Variants in SLC4A4 observed in about 807,000 individuals in gnomAD.
The protein encoded by SLC4A4 is electrogenic sodium bicarbonate cotransporter 1.
In SLC4A4, 27 loss-of-function variants were observed where a neutral mutation model predicts 111.5. The ratio of observed to expected loss-of-function variants is 0.24; its 90% CI spans 0.18 to 0.33. The LOEUF (loss-of-function observed/expected upper bound fraction) is 0.33. SLC4A4 is among the 10% of genes least tolerant of loss of function. SLC4A4 has a pLI of 1.00. For missense variants in SLC4A4, 909 were observed against 1,315.5 expected (o/e 0.69, Z 4.78); for synonymous variants, 443 against 463.4 (o/e 0.96, Z 0.57).
At chr4:71,334,113 G>C (rs1728235619) in intron 3 of SLC4A4, among the ~76,000 whole-genome samples, 1 of 152,058 alleles carries the variant, frequency 6.6e-6, no homozygotes. Context: ...AGCTGGGAAT[G>C]CACTGGGTCA....
intron 7 of SLC4A4, among the ~76,000 whole-genome samples, chr4:71,419,040 C>T (rs1023032607): frequency 6.6e-6 from 1 of 152,184 alleles, no homozygotes; most frequent in African/African-American, 2.4e-5. Flanking sequence ...GCTGTCTGAT[C>T]ATTCCTCTGG....
intron 2 of SLC4A4, among the ~76,000 whole-genome samples, chr4:71,160,123 G>A (rs906351042): frequency 9.3e-5 from 14 of 151,026 alleles, no homozygotes; most frequent in Admixed American, 2.0e-4. Flanking sequence ...TGAAAACTCA[G>A]CGTTAGAGAA....
intron 6 of SLC4A4, among the ~76,000 whole-genome samples, chr4:71,383,535 T>G (rs967174275): frequency 2.0e-5 from 3 of 152,198 alleles, no homozygotes; most frequent in Non-Finnish European, 4.4e-5. Flanking sequence ...TTTCTTAGAC[T>G]AGAAAATTAC....
chr4:71,477,672 CTT>C (rs1046559711), intron 14 of SLC4A4, among the ~76,000 whole-genome samples: 10 of 151,738 alleles, frequency 6.6e-5, no homozygotes, highest in Non-Finnish European at 1.0e-4. Context: ...AGAGGAATCT[CTT>C]TAATTTATTC....
chr4:71,481,764 C>T (rs1246237302), intron 14 of SLC4A4, among the ~76,000 whole-genome samples: 1 of 151,700 alleles, frequency 6.6e-6, no homozygotes, highest in Non-Finnish European at 1.5e-5. Context: ...TTCATTCCCT[C>T]ATTCCAGAAA....
Position 71,156,387 on chromosome 4 carries a change from G to A in SLC4A4, c.-2+63595G>A, listed in dbSNP as rs1174003359. On this transcript the variant is annotated intron_variant, in intron 2 of 26. Transcript: ENST00000649996. ...GTGCACAGTTATGTGCACACCTTAGGTACACATGTCATGCTTTTGATAAGT... is the reference window on the plus strand; with the variant it reads ...GTGCACAGTTATGTGCACACCTTAGATACACATGTCATGCTTTTGATAAGT... Among the ~76,000 whole-genome samples, 5 of 151,966 alleles carry A rather than the reference G, an allele frequency of 3.3e-5. No individual in the cohort carries two copies. The South Asian group carries it at 8.3e-4, about 25-fold the overall frequency.
At chr4:71,256,600 G>A (rs548587830) in intron 3 of SLC4A4, among the ~76,000 whole-genome samples, 1 of 152,222 alleles carries the variant, frequency 6.6e-6, no homozygotes, top group East Asian at 1.9e-4. Flanking sequence ...CCAGAAGGCA[G>A]GAGACTCAAG....
Position 71,086,639 on chromosome 4 carries a change from A to C in SLC4A4, c.-64-6091A>C, listed in dbSNP as rs1234604899. 1.8e-4 allele frequency among the ~76,000 whole-genome samples: 28 copies of C among 151,936 alleles called. 1 individual carries two copies. Among genetic ancestry groups the C allele is most frequent in the Non-Finnish European group, 2.9e-4 (20 of 67,986 alleles). On this transcript the variant is annotated intron_variant, in intron 1 of 26. Transcript: ENST00000649996. ...AGGGTTGTTGAATTTTGTCAAAGGC[A>C]TTTTCTGCATCTATTGAGATAATCG...
chr4:71,424,183 C>T (rs1202675261), intron 7 of SLC4A4, among the ~76,000 whole-genome samples: 55 of 152,114 alleles, frequency 3.6e-4, no homozygotes, highest in African/African-American at 1.2e-3. Context: ...GGGCAAAGGA[C>T]ATGAACAGAC....
At chr4:71,422,479 T>C (rs1269962284) in intron 7 of SLC4A4, among the ~76,000 whole-genome samples, 1 of 151,858 alleles carries the variant, frequency 6.6e-6, no homozygotes, top group Non-Finnish European at 1.5e-5. Context: ...CCTCCCTAAC[T>C]CATTTTATGA....
intron 7 of SLC4A4, among the ~76,000 whole-genome samples, chr4:71,426,854 T>C (rs1410308634): frequency 6.6e-6 from 1 of 152,164 alleles, no homozygotes; most frequent in Admixed American, 6.6e-5. Flanking sequence ...ACTTCTAATC[T>C]TTATAAAAAT....
chr4:71,389,007 C>G (rs1719018071), intron 6 of SLC4A4, among the ~76,000 whole-genome samples: 1 of 152,052 alleles, frequency 6.6e-6, no homozygotes, highest in African/African-American at 2.4e-5. Context: ...ATGTATTAGA[C>G]CTAACACTGA....
intron 6 of SLC4A4, among the ~76,000 whole-genome samples, chr4:71,394,858 T>C (rs542215824): frequency 3.3e-5 from 5 of 152,206 alleles, no homozygotes; most frequent in Admixed American, 1.3e-4. Flanking sequence ...CTCACTGATA[T>C]GTGAGAGCTA....
chr4:71,187,801 G>A (rs1745551652), intron 1 of SLC4A4, among the ~76,000 whole-genome samples: 1 of 152,062 alleles, frequency 6.6e-6, no homozygotes. Flanking sequence ...GCACCTGCTT[G>A]AGAGGAACAC....
chr4:71,136,285 T>C (rs1743840101), intron 2 of SLC4A4, among the ~76,000 whole-genome samples: 1 of 152,366 alleles, frequency 6.6e-6, no homozygotes, highest in Admixed American at 6.5e-5. Flanking sequence ...TCAAGCCTGA[T>C]GTAGTTACAG....
At chr4:71,400,311 G>A (rs1317442764) in intron 7 of SLC4A4, among the ~76,000 whole-genome samples, 1 of 152,204 alleles carries the variant, frequency 6.6e-6, no homozygotes, top group Non-Finnish European at 1.5e-5. Context: ...GATTCCAGTA[G>A]TAGAAGAAAT....
chr4:71,098,359 C>A (rs1742620353), intron 2 of SLC4A4, among the ~76,000 whole-genome samples: 1 of 152,026 alleles, frequency 6.6e-6, no homozygotes, highest in South Asian at 2.1e-4. Context: ...TATTTCTAGG[C>A]TGTCTATTCT....
chr4:71,118,877 G>A (rs544717181), intron 2 of SLC4A4, among the ~76,000 whole-genome samples: 1 of 152,180 alleles, frequency 6.6e-6, no homozygotes, highest in Non-Finnish European at 1.5e-5. Flanking sequence ...GGTTGGGAGA[G>A]CAGACAGTGA....
intron 3 of SLC4A4, among the ~76,000 whole-genome samples, chr4:71,336,824 G>A (rs1360736955): frequency 6.6e-6 from 1 of 152,204 alleles, no homozygotes; most frequent in East Asian, 1.9e-4. Flanking sequence ...TTTCAATGGT[G>A]AATGGCAGCA....
Sources: gnomAD v4.1 joint callset for allele counts (sites outside exome capture counted in the v4.1 genomes callset) on GRCh38, gnomAD v4.1.1 for gene constraint, MANE v1.5 for transcripts, NCBI Gene and HGNC (gene_info 2026-07-23, HGNC 2026-07-21) for gene names.